The following MGAT5B variants were observed in gnomAD, a reference collection of about 807,000 sequenced individuals.
The protein encoded by MGAT5B is alpha-1,6-mannosylglycoprotein 6-beta-N-acetylglucosaminyltransferase B, also known as N-acetylglucosaminyl-transferase Vb.
In MGAT5B, 54 loss-of-function variants were observed where a neutral mutation model predicts 95.1. That is an observed-to-expected ratio of 0.57 (90% CI 0.46 to 0.71). The LOEUF is 0.71. Ranked by LOEUF, MGAT5B falls within the 30% of genes least tolerant of loss-of-function variation. MGAT5B has a pLI of 0.00. For synonymous variants in MGAT5B, 464 were observed against 451.0 expected, an observed-to-expected ratio of 1.03 and a Z score of -0.36; for missense variants, 935 against 1,088.6, an observed-to-expected ratio of 0.86 and a Z score of 1.99.
chr17:76,926,638 C>T lies in MGAT5B; in HGVS notation c.1199C>T (p.Ala400Val), dbSNP rs1280364387. ...RVIDTFGTEP[A>V]YNHEEYATLH... ...ATCGACACCTTCGGGACGGAACCTG[C>T]GTACAACCACGAGGAGTACGCCACG... is the stretch of plus-strand genomic sequence containing the variant. Residue 400 changes from alanine (A) to valine (V), a missense_variant, in exon 10 of 18, where the codon GCG (alanine) becomes GTG (valine). Ala to Val is a moderately conservative substitution (Grantham distance 64). Transcript: ENST00000569840. The T allele has an allele frequency of 9.3e-6, 15 of 1,612,482 alleles. No homozygotes were observed. The highest frequency in any genetic ancestry group is 1.2e-5 in the Non-Finnish European group (14 of 1,179,898).
At position 76,916,265 on chromosome 17, in the gene MGAT5B, G is replaced by A. The variant is rs147299142; in HGVS notation, c.1026-8701G>A. ...GGCCTCGCCTCCCCTCATGCTCCACGCGCTGCGCTGGCGTCACAGGGAGTC... is the reference window on the plus strand; with the variant it reads ...GGCCTCGCCTCCCCTCATGCTCCACACGCTGCGCTGGCGTCACAGGGAGTC... On this transcript the variant is annotated intron_variant, in intron 8 of 17. Coordinates refer to ENST00000569840, the MANE Select transcript of MGAT5B (RefSeq NM_001199172.2). The surrounding 1 kb of genome is among the most constrained non-coding windows in gnomAD (Gnocchi z 5.3). 7.3e-3 allele frequency among the ~76,000 whole-genome samples: 1,115 copies of A among 151,902 alleles called. 7 individuals carry two copies. The highest frequency in any genetic ancestry group is 0.024 in the Middle Eastern group (7 of 294).
At position 76,947,810 on chromosome 17, in the gene MGAT5B, C is replaced by T; in HGVS notation, c.1924-20C>T. The T allele has an allele frequency of 6.5e-7, 1 of 1,528,270 alleles. No individual in the cohort carries two copies. Among genetic ancestry groups the T allele is most frequent in the Admixed American group, 2.1e-5 (1 of 47,524 alleles). 94.7% of individuals were successfully genotyped at this position (1,528,270 alleles called of 1,614,324 possible). On this transcript the variant is annotated intron_variant, in intron 16 of 17. Transcript: ENST00000569840. The stretch of plus-strand genomic sequence containing the variant: ...CCTGGGTCGCACTTCCCCACCCTGA[C>T]ACTGCTCTCCTCCTTGCAGGACTTC...
intron 8 of MGAT5B, chr17:76,913,590 T>G: frequency 2.4e-6 from 1 of 423,524 alleles, no homozygotes. Context: ...CACAGTGTGG[T>G]TGAAATTGTC....
rs1968771999 is a variant in MGAT5B at position 76,912,363 on chromosome 17, A to ACT, written c.1025+6176_1025+6177insCT. On this transcript the variant is annotated intron_variant, in intron 8 of 17. Coordinates refer to ENST00000569840, the MANE Select transcript of MGAT5B (RefSeq NM_001199172.2). This position sits in a 1 kb window ranked among gnomAD's most constrained non-coding sequence, Gnocchi z 5.0. ...CAGGGCCTCACCTCTCAGCCCTGGG[A>ACT]GCCGTTCTGTGGGAGCAGCACCAGG... 6.6e-6 allele frequency among the ~76,000 whole-genome samples: 1 copy of ACT among 152,100 alleles called. No homozygotes were observed. The highest frequency in any genetic ancestry group is 1.5e-5 in the Non-Finnish European group (1 of 68,012).
At chr17:76,937,492 T>C (rs565494898) in intron 12 of MGAT5B, among the ~76,000 whole-genome samples, 25 of 151,534 alleles carry the variant, frequency 1.6e-4, no homozygotes, top group African/African-American at 5.1e-4. Context: ...CATAGAGTTA[T>C]GGGCAGGTGG....
Position 76,869,554 on chromosome 17 carries a change from C to A in MGAT5B, c.68+457C>A, listed in dbSNP as rs560283123. On this transcript the variant is annotated intron_variant, in intron 1 of 17. Transcript: ENST00000569840. The surrounding 1 kb of genome is among the most constrained non-coding windows in gnomAD (Gnocchi z 7.0). ...TGCCCCTAGGTCGGCTACCCCCCAA[C>A]CCCTCCGCCTGTGCCACCCTCTCCC... 6.6e-6 allele frequency among the ~76,000 whole-genome samples: 1 copy of A among 152,202 alleles called. No individual in the cohort carries two copies. Among genetic ancestry groups the A allele is most frequent in the Non-Finnish European group, 1.5e-5 (1 of 68,034 alleles).
intron 15 of MGAT5B, among the ~76,000 whole-genome samples, chr17:76,944,648 C>G (rs1054857235): frequency 6.6e-6 from 1 of 152,142 alleles, no homozygotes; most frequent in Non-Finnish European, 1.5e-5. Context: ...TTCGAACTTG[C>G]CCCAGCGTTG....
intron 11 of MGAT5B, 125 bp from the exon 12 acceptor site, chr17:76,933,167 T>C (rs1317955374): frequency 1.7e-6 from 2 of 1,171,368 alleles, no homozygotes; most frequent in Non-Finnish European, 1.2e-6. Flanking sequence ...GCTTAGAGAT[T>C]AGAACCCCAT....
At position 76,925,018 on chromosome 17, in the gene MGAT5B, C is replaced by T. The variant is rs1400278434; in HGVS notation, c.1078C>T (p.Pro360Ser). The T allele has an allele frequency of 6.2e-7, 1 of 1,604,516 alleles. No homozygotes were observed. The highest frequency in any genetic ancestry group is 1.7e-5 in the Admixed American group (1 of 59,392). ...RGSCPLTMPL[P>S]FDLIYTDYHG... ...AAGCTGCCCGCTCACCATGCCCCTG[C>T]CCTTCGACCTCATCTACACCGACTA... is the stretch of plus-strand genomic sequence containing the variant. The change falls in exon 9 of 18, where the codon CCC (proline) becomes TCC (serine). Residue 360 changes from proline (P) to serine (S), a missense_variant. Around this residue, in one of 4 missense-constraint regions of MGAT5B, gnomAD observed 243 missense variants for 305.5 expected, o/e 0.80. Coordinates refer to ENST00000569840, the MANE Select transcript of MGAT5B (RefSeq NM_001199172.2).
intron 2 of MGAT5B, among the ~76,000 whole-genome samples, chr17:76,881,161 G>T (rs899600701): frequency 6.6e-6 from 1 of 152,180 alleles, no homozygotes; most frequent in Non-Finnish European, 1.5e-5. Context: ...GCGAGAACTC[G>T]CTCCCGCACA....
chr17:76,873,112 C>T (rs1967067093), intron 2 of MGAT5B, 149 bp downstream of exon 2: 2 of 847,574 alleles, frequency 2.4e-6, no homozygotes, highest in South Asian at 1.7e-5. Flanking sequence ...GGCCGTATGA[C>T]CCTCCATGCA....
intron 2 of MGAT5B, among the ~76,000 whole-genome samples, chr17:76,880,583 A>G (rs1173402085): frequency 6.6e-6 from 1 of 151,762 alleles, no homozygotes; most frequent in African/African-American, 2.4e-5. Flanking sequence ...CTCTCTCGTC[A>G]CCTTCCTGGT....
rs191831149 is a variant in MGAT5B at position 76,872,805 on chromosome 17, C to T, written c.69-46C>T. The T allele has an allele frequency of 5.1e-3, 8,309 of 1,614,078 alleles. 38 individuals are homozygous for T. The highest frequency in any genetic ancestry group is 9.6e-3 in the Middle Eastern group (58 of 6,062). On this transcript the variant is annotated intron_variant, in intron 1 of 17. Transcript: ENST00000569840. Reference sequence around the variant, plus strand: ...CGGTACGTGGTGGAGCGTCAGGGCACGATGGCCCTTCCTGCCCTCCTGACC... The same window carrying T: ...CGGTACGTGGTGGAGCGTCAGGGCATGATGGCCCTTCCTGCCCTCCTGACC...
Position 76,918,303 on chromosome 17 carries a change from T to A in MGAT5B, c.1026-6663T>A. On this transcript the variant is annotated intron_variant, in intron 8 of 17. Coordinates refer to ENST00000569840, the MANE Select transcript of MGAT5B (RefSeq NM_001199172.2). This position sits in a 1 kb window ranked among gnomAD's most constrained non-coding sequence, Gnocchi z 5.1. Reference sequence around the variant, plus strand: ...TCTGCCTTTGGACTCCCTTTTCCTCTGAGCCAGGGACCCTGAGGGGGCCTG... The same window carrying A: ...TCTGCCTTTGGACTCCCTTTTCCTCAGAGCCAGGGACCCTGAGGGGGCCTG... 6.6e-6 allele frequency among the ~76,000 whole-genome samples: 1 copy of A among 152,132 alleles called. No homozygotes were observed. Among genetic ancestry groups the A allele is most frequent in the Non-Finnish European group, 1.5e-5 (1 of 68,018 alleles).
chr17:76,924,271 G>C (rs1031569387), intron 8 of MGAT5B: 11 of 152,620 alleles, frequency 7.2e-5, no homozygotes, highest in African/African-American at 2.6e-4. Context: ...GGGGCCTGGG[G>C]GGTCCAGCAG....
Position 76,916,773 on chromosome 17 carries a change from A to G in MGAT5B, c.1026-8193A>G, listed in dbSNP as rs1415158093. Among the ~76,000 whole-genome samples the G allele has an allele frequency of 6.6e-6, 1 of 152,152 alleles. No homozygotes were observed. Among genetic ancestry groups the G allele is most frequent in the Admixed American group, 6.5e-5 (1 of 15,274 alleles). On this transcript the variant is annotated intron_variant, in intron 8 of 17. Transcript: ENST00000569840. The surrounding 1 kb of genome is among the most constrained non-coding windows in gnomAD (Gnocchi z 5.3). The stretch of plus-strand genomic sequence containing the variant: ...GTTCTCGAGAAGGGATGAGGGGACC[A>G]GTGTTCTTCCTCTGCCAAGGACAGA...
At chr17:76,913,838 G>C in intron 8 of MGAT5B, 1 of 455,730 alleles carries the variant, frequency 2.2e-6, no homozygotes. Flanking sequence ...AGGCTGGGTG[G>C]GGCGGCTCAC....
At chr17:76,923,568 C>G (rs966401421) in intron 8 of MGAT5B, among the ~76,000 whole-genome samples, 15 of 152,140 alleles carry the variant, frequency 9.9e-5, no homozygotes, top group Non-Finnish European at 1.9e-4. Context: ...GCCTTCTCTG[C>G]TTGGGCATCC....
At chr17:76,919,559 A>G (rs1329544373) in intron 8 of MGAT5B, among the ~76,000 whole-genome samples, 1 of 152,186 alleles carries the variant, frequency 6.6e-6, no homozygotes, top group Non-Finnish European at 1.5e-5. Flanking sequence ...CCTCCTGAGT[A>G]GCTGGAATGA....
Sources: allele counts gnomAD v4.1 joint callset (sites outside exome capture counted in the v4.1 genomes callset), GRCh38; gene constraint gnomAD v4.1.1; regional missense constraint gnomAD v4.1.1; non-coding constraint Gnocchi (gnomAD v3.1); transcripts MANE v1.5; gene names NCBI Gene and HGNC (gene_info 2026-07-23, HGNC 2026-07-21).